Variants in CDKAL1 observed in about 807,000 individuals in gnomAD.
CDKAL1 encodes threonylcarbamoyladenosine tRNA methylthiotransferase.
Under a neutral mutation model 68.2 loss-of-function variants are expected in CDKAL1, and 32 were observed. The observed-to-expected ratio is 0.47, with a 90% CI of 0.35 to 0.63. The LOEUF is 0.63. Among genes scored for constraint, CDKAL1 ranks in the 30% least tolerant of loss-of-function variants. The pLI, the probability that CDKAL1 is intolerant of heterozygous loss-of-function variation, is 0.00. For synonymous variants in CDKAL1, 234 were observed against 244.3 expected (o/e 0.96, Z 0.39); for missense variants, 606 against 696.7 (o/e 0.87, Z 1.47).
intron 4 of CDKAL1, among the ~76,000 whole-genome samples, chr6:20,589,605 T>C (rs1485429799): frequency 6.6e-5 from 10 of 152,222 alleles, no homozygotes; most frequent in Admixed American, 1.3e-4. Context: ...TTACGTGCCT[T>C]TCAGCTCTTT....
intron 9 of CDKAL1, among the ~76,000 whole-genome samples, chr6:20,882,762 T>C (rs1760886638): frequency 6.6e-6 from 1 of 152,204 alleles, no homozygotes. Flanking sequence ...ACATACGGAT[T>C]CTTATGAGAA....
intron 9 of CDKAL1, among the ~76,000 whole-genome samples, chr6:20,943,869 G>A (rs1764108463): frequency 6.6e-6 from 1 of 152,002 alleles, no homozygotes; most frequent in African/African-American, 2.4e-5. Flanking sequence ...GCTTAAGGCA[G>A]GAGGATTAAA....
At chr6:21,001,081 G>T (rs1767402543) in intron 11 of CDKAL1, among the ~76,000 whole-genome samples, 1 of 152,198 alleles carries the variant, frequency 6.6e-6, no homozygotes, top group Admixed American at 6.5e-5. Flanking sequence ...GTTGGCCCAG[G>T]TCACACAGAG....
intron 9 of CDKAL1, among the ~76,000 whole-genome samples, chr6:20,861,378 G>C (rs145788767): frequency 1.4e-4 from 21 of 152,230 alleles, no homozygotes; most frequent in African/African-American, 1.9e-4. Flanking sequence ...ATTTGACTCA[G>C]GGTTCAGAGG....
intron 7 of CDKAL1, among the ~76,000 whole-genome samples, chr6:20,761,673 C>G (rs1216280057): frequency 6.6e-6 from 1 of 152,092 alleles, no homozygotes; most frequent in African/African-American, 2.4e-5. Context: ...ATCTGTAAGG[C>G]TACATACTCT....
At position 20,565,985 on chromosome 6, in the gene CDKAL1, AT is replaced by A. The variant is rs1241640963; in HGVS notation, c.286+17290del. On this transcript the variant is annotated intron_variant, in intron 4 of 15. Coordinates refer to ENST00000274695, the MANE Select transcript of CDKAL1 (RefSeq NM_017774.3). Reference sequence around the variant, plus strand: ...AGAAAAAGCAAAAATGCACTCAGTGATTTTTTTTTTAAACCCCTTTGTTTCT... The same window carrying A: ...AGAAAAAGCAAAAATGCACTCAGTGATTTTTTTTTAAACCCCTTTGTTTCT... 8.6e-5 allele frequency among the ~76,000 whole-genome samples: 13 copies of A among 150,414 alleles called. No individual in the cohort carries two copies. In the East Asian group the frequency reaches 1.4e-3, roughly 16 times the overall value.
At chr6:20,588,487 A>G (rs1258133142) in intron 4 of CDKAL1, among the ~76,000 whole-genome samples, 7 of 152,246 alleles carry the variant, frequency 4.6e-5, no homozygotes, top group Non-Finnish European at 7.3e-5. Flanking sequence ...AGCTTTAAAA[A>G]TCTTCTTTAA....
chr6:20,606,573 A>C (rs1370197833), intron 4 of CDKAL1, among the ~76,000 whole-genome samples: 1 of 152,220 alleles, frequency 6.6e-6, no homozygotes, highest in East Asian at 1.9e-4. Context: ...AAGAATCAAA[A>C]GAGTAGCTTT....
intron 13 of CDKAL1, among the ~76,000 whole-genome samples, chr6:21,159,705 A>G (rs923922132): frequency 6.6e-6 from 1 of 152,228 alleles, no homozygotes; most frequent in Non-Finnish European, 1.5e-5. Flanking sequence ...CGGTTCTCAC[A>G]GATAATCCAC....
intron 9 of CDKAL1, among the ~76,000 whole-genome samples, chr6:20,950,969 G>GA (rs5874796): frequency 0.52 from 72,335 of 139,284 alleles, 18,693 homozygotes; most frequent in East Asian, 0.65. Context: ...AACAGTCTCA[G>GA]AAAAAAAAAA....
intron 9 of CDKAL1, among the ~76,000 whole-genome samples, chr6:20,937,970 C>T (rs1763799450): frequency 6.6e-6 from 1 of 151,786 alleles, no homozygotes; most frequent in Admixed American, 6.6e-5. Context: ...ATGATCCTTG[C>T]CTCTGACAAT....
intron 13 of CDKAL1, among the ~76,000 whole-genome samples, chr6:21,109,193 T>C (rs2150992669): frequency 6.6e-6 from 1 of 152,334 alleles, no homozygotes; most frequent in Admixed American, 6.5e-5. Flanking sequence ...TTACAAGGTT[T>C]CAGAGACTTG....
intron 12 of CDKAL1, among the ~76,000 whole-genome samples, chr6:21,087,253 A>G (rs1375440416): frequency 6.6e-6 from 1 of 152,198 alleles, no homozygotes; most frequent in African/African-American, 2.4e-5. Context: ...AGGACTCTAT[A>G]TGGGTTGTAA....
rs536395805 is a variant in CDKAL1 at position 21,092,957 on chromosome 6, G to A, written c.1237-15444G>A. 4.6e-5 allele frequency among the ~76,000 whole-genome samples: 7 copies of A among 151,590 alleles called. 1 individual carries two copies. In the South Asian group the frequency reaches 1.5e-3, roughly 32 times the overall value. On this transcript the variant is annotated intron_variant, in intron 12 of 15. Coordinates refer to ENST00000274695, the MANE Select transcript of CDKAL1 (RefSeq NM_017774.3). ...AAAAAAAAAAATAAGATGAAAAATA[G>A]AAGGAAAAATATAGAAAAATCAAAG...
intron 5 of CDKAL1, among the ~76,000 whole-genome samples, chr6:20,671,320 A>G (rs1016363275): frequency 2.0e-5 from 3 of 152,104 alleles, no homozygotes; most frequent in African/African-American, 7.2e-5. Flanking sequence ...ACTTTTGTCA[A>G]TCATTCATGT....
chr6:20,758,364 G>A lies in CDKAL1; in HGVS notation c.469-231G>A, dbSNP rs550035302. ...ACAACTCCAGGCAGTTTATTTAAATGCAATATGATATCTTCAGTTATCATT... is the reference window on the plus strand; with the variant it reads ...ACAACTCCAGGCAGTTTATTTAAATACAATATGATATCTTCAGTTATCATT... On this transcript the variant is annotated intron_variant, in intron 6 of 15. Coordinates refer to ENST00000274695, the MANE Select transcript of CDKAL1 (RefSeq NM_017774.3). Among the ~76,000 whole-genome samples the A allele has an allele frequency of 8.5e-5, 13 of 152,216 alleles. No homozygotes were observed. In the South Asian group the frequency reaches 2.5e-3, roughly 29 times the overall value.
At chr6:20,897,146 C>T (rs576442596) in intron 9 of CDKAL1, among the ~76,000 whole-genome samples, 1 of 152,144 alleles carries the variant, frequency 6.6e-6, no homozygotes, top group Non-Finnish European at 1.5e-5. Context: ...AAGGGGTGAA[C>T]AAGCTTTCTT....
At chr6:21,146,905 T>G (rs1776201657) in intron 13 of CDKAL1, among the ~76,000 whole-genome samples, 1 of 152,070 alleles carries the variant, frequency 6.6e-6, no homozygotes. Context: ...TATCCAAGAT[T>G]TCTTTGGTTC....
chr6:20,900,664 G>T (rs767198280), intron 9 of CDKAL1, among the ~76,000 whole-genome samples: 1 of 152,212 alleles, frequency 6.6e-6, no homozygotes, highest in Admixed American at 6.5e-5. Context: ...CACCTGTGCA[G>T]TAGTCATTTC....
Sources: gnomAD v4.1 joint callset for allele counts (sites outside exome capture counted in the v4.1 genomes callset) on GRCh38, gnomAD v4.1.1 for gene constraint, MANE v1.5 for transcripts, NCBI Gene and HGNC (gene_info 2026-07-23, HGNC 2026-07-21) for gene names.